Variants in PIP observed in about 807,000 individuals in gnomAD.
PIP encodes prolactin induced protein.
PIP carries 9 observed loss-of-function variants against 12.8 expected under a neutral mutation model. The ratio of observed to expected loss-of-function variants is 0.70; its 90% CI spans 0.42 to 1.23. The LOEUF (loss-of-function observed/expected upper bound fraction) is 1.23, where lower values mean the gene tolerates loss of function less well. PIP is among the 50% of genes most tolerant of loss of function. PIP has a pLI of 0.00. For missense variants in PIP, 172 were observed against 179.5 expected, an observed-to-expected ratio of 0.96 and a Z score of 0.24; for synonymous variants, 60 against 66.1, an observed-to-expected ratio of 0.91 and a Z score of 0.45.
rs983135109 is a variant in PIP, at chr7:143,139,439, G to C, written c.317-79G>C. The C allele has an allele frequency of 3.9e-6, 6 of 1,541,018 alleles. 1 individual carries two copies. The highest frequency in any genetic ancestry group is 5.3e-6 in the Non-Finnish European group (6 of 1,126,648). Reference sequence around the variant, plus strand: ...ATTTGGGGAAACTGAACCCCAGGGGGCAGATGCCTGATATGAGTAGAAAAG... The same window carrying C: ...ATTTGGGGAAACTGAACCCCAGGGGCCAGATGCCTGATATGAGTAGAAAAG... On this transcript the variant is annotated intron_variant, in intron 3 of 3. Coordinates refer to ENST00000291009, the MANE Select transcript of PIP (RefSeq NM_002652.3).
At chr7:143,136,495 T>C (rs955148425) in intron 2 of PIP, among the ~76,000 whole-genome samples, 1 of 152,078 alleles carries the variant, frequency 6.6e-6, no homozygotes, top group Non-Finnish European at 1.5e-5. Flanking sequence ...TTGTCAAATT[T>C]TTCTATTTTC....
chr7:143,134,419 T>A (rs1799282607), intron 1 of PIP, among the ~76,000 whole-genome samples: 1 of 151,032 alleles, frequency 6.6e-6, no homozygotes, highest in Non-Finnish European at 1.5e-5. Context: ...TATTTTTAGT[T>A]CTTTAAGGAA....
intron 1 of PIP, among the ~76,000 whole-genome samples, chr7:143,132,412 T>G (rs1259065306): frequency 6.6e-6 from 1 of 152,120 alleles, no homozygotes; most frequent in African/African-American, 2.4e-5. Context: ...TTTTGCTGGG[T>G]GTTTCTGCAT....
At chr7:143,137,887 G>A (rs1013325567) in intron 2 of PIP, among the ~76,000 whole-genome samples, 1 of 149,292 alleles carries the variant, frequency 6.7e-6, no homozygotes, top group Non-Finnish European at 1.5e-5. Context: ...GCAACAGAGT[G>A]AGACTCTGTC....
Position 143,139,510 on chromosome 7 carries a change from T to A in PIP, c.317-8T>A. 3.1e-6 allele frequency: 5 copies of A among 1,613,040 alleles called. No homozygotes were observed. Among genetic ancestry groups the A allele is most frequent in the Non-Finnish European group, 4.2e-6 (5 of 1,179,070 alleles). The stretch of plus-strand genomic sequence containing the variant: ...CTGAGAGATGATCTCCGTCCCTGTC[T>A]TTTTCAGGAACTGTGCAAATTGCAG... On this transcript the variant is annotated splice_region_variant and splice_polypyrimidine_tract_variant and intron_variant, in intron 3 of 3. Coordinates refer to ENST00000291009, the MANE Select transcript of PIP (RefSeq NM_002652.3).
In PIP at chr7:143,139,183, A is replaced by G; in HGVS notation, c.310A>G (p.Thr104Ala). Residue 104 changes from threonine (T) to alanine (A), a missense_variant, in exon 3 of 4, where the codon ACC becomes GCC. Transcript: ENST00000291009. ...NPKTFYWDFY[T>A]NRTVQIAAVV... The stretch of plus-strand genomic sequence containing the variant: ...AAAAACCTTCTACTGGGACTTTTAC[A>G]CCAACAGTAAGTACAGAAGTTGTCC... 1 of 1,537,850 alleles carries G rather than the reference A, an allele frequency of 6.5e-7. No homozygotes were observed. The highest frequency in any genetic ancestry group is 9.0e-7 in the Non-Finnish European group (1 of 1,109,952).
At chr7:143,133,475 A>G (rs911048814) in intron 1 of PIP, among the ~76,000 whole-genome samples, 5 of 152,084 alleles carry the variant, frequency 3.3e-5, no homozygotes, top group Admixed American at 2.6e-4. Flanking sequence ...AAGAATCTCA[A>G]TTCCCTTCTG....
At chr7:143,139,434 AG>A in intron 3 of PIP, 83 bp from the exon 4 acceptor site, 1 of 1,529,590 alleles carries the variant, frequency 6.5e-7, no homozygotes, top group Non-Finnish European at 8.9e-7. Context: ...ACTGAACCCC[AG>A]GGGGCAGATG....
intron 3 of PIP, 151 bp from the exon 4 acceptor site, chr7:143,139,367 G>C: frequency 1.0e-6 from 1 of 960,948 alleles, no homozygotes; most frequent in Non-Finnish European, 1.6e-6. Flanking sequence ...TTCTAAGACA[G>C]AGGCATTGAG....
chr7:143,134,430 T>C (rs1433293746), intron 1 of PIP, among the ~76,000 whole-genome samples: 3 of 151,196 alleles, frequency 2.0e-5, no homozygotes, highest in African/African-American at 7.3e-5. Flanking sequence ...CTTTAAGGAA[T>C]CTCCACACTG....
chr7:143,137,599 G>A (rs1411439143), intron 2 of PIP, among the ~76,000 whole-genome samples: 1 of 152,028 alleles, frequency 6.6e-6, no homozygotes, highest in Non-Finnish European at 1.5e-5. Flanking sequence ...TGTTGCTAAT[G>A]TAACAGAAAG....
intron 3 of PIP, 134 bp downstream of exon 3, chr7:143,139,323 A>G: frequency 1.2e-6 from 1 of 819,208 alleles, no homozygotes; most frequent in Non-Finnish European, 2.1e-6. Flanking sequence ...GGGAGGGAAG[A>G]GCATGGGGAG....
rs189320012 is a variant in PIP at position 143,132,113 on chromosome 7, C to T, written c.-4C>T. ...GGGACACATTGCCTTCTGTTTTCTC[C>T]AGCATGCGCTTGCTCCAGCTCCTGT... is the stretch of plus-strand genomic sequence containing the variant. On this transcript the variant is annotated 5_prime_UTR_variant, in exon 1 of 4. Transcript: ENST00000291009. 3,277 of 1,612,704 alleles carry T rather than the reference C, an allele frequency of 2.0e-3. 33 individuals carry two copies. Among genetic ancestry groups the T allele is most frequent in the Non-Finnish European group, 2.1e-3 (2,442 of 1,178,868 alleles).
At position 143,132,915 on chromosome 7, in the gene PIP, T is replaced by C. The variant is rs1000418756; in HGVS notation, c.95+704T>C. ...ATCTAGGGAGTTTTCTCTATAGCAG[T>C]AGGGTTTATAATGCTGGGTTTCTGG... On this transcript the variant is annotated intron_variant, in intron 1 of 3. Coordinates refer to ENST00000291009, the MANE Select transcript of PIP (RefSeq NM_002652.3). 1.1e-3 allele frequency among the ~76,000 whole-genome samples: 170 copies of C among 151,956 alleles called. 3 individuals are homozygous for C. The highest frequency in any genetic ancestry group is 6.5e-4 in the Non-Finnish European group (44 of 67,956).
At chr7:143,135,108 G>T in intron 1 of PIP, 86 bp from the exon 2 acceptor site, 1 of 646,012 alleles carries the variant, frequency 1.5e-6, no homozygotes, top group South Asian at 1.9e-5. Flanking sequence ...TGCCCATCCT[G>T]TGCCCCTTGC....
intron 2 of PIP, among the ~76,000 whole-genome samples, chr7:143,137,303 A>G (rs1799319085): frequency 6.6e-6 from 1 of 152,150 alleles, no homozygotes; most frequent in African/African-American, 2.4e-5. Context: ...AAACTACCAC[A>G]TTGAGTAACA....
chr7:143,132,953 G>C (rs991338292), intron 1 of PIP, among the ~76,000 whole-genome samples: 1 of 151,932 alleles, frequency 6.6e-6, no homozygotes, highest in Non-Finnish European at 1.5e-5. Context: ...TGTGATCTTG[G>C]AGGTACTCTC....
rs1262276622 is a variant in PIP at position 143,139,735 on chromosome 7, C to T, written c.*93C>T. The T allele has an allele frequency of 2.5e-6, 3 of 1,198,990 alleles. No homozygotes were observed. The East Asian group carries it at 7.1e-5, about 28-fold the overall frequency. The allele number at this position is 1,198,990 out of a possible 1,614,324, so 74.3% of individuals were successfully genotyped here. A position where few individuals can be genotyped will look rare whatever the true frequency, so the allele number is the denominator to read the frequency against. The stretch of plus-strand genomic sequence containing the variant: ...GTGGTCTATAAAATAAACTTCTTAA[C>T]ATGCTTCTCCATGTTCTGTTGTATC... On this transcript the variant is annotated 3_prime_UTR_variant, in exon 4 of 4. Coordinates refer to ENST00000291009, the MANE Select transcript of PIP (RefSeq NM_002652.3).
At position 143,135,234 on chromosome 7, in the gene PIP, G is replaced by T; in HGVS notation, c.136G>T (p.Val46Leu). ...AAAGAATTTTGACATTCCCAAGTCA[G>T]TACGTCCAAATGACGAAGTCACTGC... ...IIKNFDIPKSVRPNDEVTAVL... is the reference protein window; with the variant it reads ...IIKNFDIPKSLRPNDEVTAVL... The change falls in exon 2 of 4, where the codon GTA (valine) becomes TTA (leucine). Residue 46 changes from valine (V) to leucine (L), a missense_variant. Transcript: ENST00000291009. 6.2e-7 allele frequency: 1 copy of T among 1,600,982 alleles called. No homozygotes were observed. Among genetic ancestry groups the T allele is most frequent in the Non-Finnish European group, 8.6e-7 (1 of 1,168,208 alleles).
Sources: allele counts gnomAD v4.1 joint callset (sites outside exome capture counted in the v4.1 genomes callset), GRCh38; gene constraint gnomAD v4.1.1; transcripts MANE v1.5; gene names NCBI Gene and HGNC (gene_info 2026-07-23, HGNC 2026-07-21).